GALNT13: variants seen among roughly 807,000 people sequenced by gnomAD.
GALNT13 encodes polypeptide N-acetylgalactosaminyltransferase 13, also known as UDP-GalNAc:polypeptide N-acetylgalactosaminyltransferase 13.
A neutral mutation model predicts 64.2 loss-of-function variants in GALNT13; 28 were observed. The observed-to-expected ratio is 0.44, with a 90% CI of 0.32 to 0.60. GALNT13 has a LOEUF of 0.60. Ranked by LOEUF, GALNT13 falls within the 20% of genes least tolerant of loss-of-function variation. The pLI is 0.05. For synonymous variants in GALNT13, 214 were observed against 224.6 expected (o/e 0.95, Z 0.42); for missense variants, 577 against 669.8 (o/e 0.86, Z 1.53).
At chr2:154,105,212 T>C (rs1423109572) in intron 3 of GALNT13, among the ~76,000 whole-genome samples, 1 of 152,048 alleles carries the variant, frequency 6.6e-6, no homozygotes, top group Non-Finnish European at 1.5e-5. Context: ...CCGTGATTGT[T>C]CACCTATGAT....
chr2:153,259,645 T>C, the GALNT13 span, among the ~76,000 whole-genome samples: 1 of 152,152 alleles, frequency 6.6e-6, no homozygotes, highest in Admixed American at 6.5e-5. Context: ...GCAGTTCCCC[T>C]GCACACGGTC....
the GALNT13 span, among the ~76,000 whole-genome samples, chr2:153,287,007 T>C: frequency 6.6e-6 from 1 of 152,170 alleles, no homozygotes; most frequent in Non-Finnish European, 1.5e-5. Flanking sequence ...TTCAACACTT[T>C]ACAAAGAAAA....
chr2:154,333,423 G>A (rs1011258443), intron 9 of GALNT13, among the ~76,000 whole-genome samples: 3 of 151,964 alleles, frequency 2.0e-5, no homozygotes, highest in African/African-American at 7.2e-5. Flanking sequence ...CTGCGTTAAA[G>A]AACATGTATA....
chr2:154,070,424 A>C (rs1391400284), intron 3 of GALNT13, among the ~76,000 whole-genome samples: 1 of 152,192 alleles, frequency 6.6e-6, no homozygotes, highest in Non-Finnish European at 1.5e-5. Flanking sequence ...TTTTAATCTA[A>C]ATTAGCGTAA....
chr2:153,793,626 G>T, the GALNT13 span, among the ~76,000 whole-genome samples: 1 of 146,658 alleles, frequency 6.8e-6, no homozygotes. Flanking sequence ...CTCTTCTAAA[G>T]TTAGACAACA....
chr2:153,765,022 T>C, the GALNT13 span, among the ~76,000 whole-genome samples: 1 of 152,190 alleles, frequency 6.6e-6, no homozygotes, highest in East Asian at 1.9e-4. Context: ...TGTATGAAAA[T>C]GCCTGGATGT....
At chr2:153,478,051 C>T in the GALNT13 span, 2 of 599,938 alleles carry the variant, frequency 3.3e-6, no homozygotes, top group Non-Finnish European at 5.9e-6. Context: ...TCTCCTCCGA[C>T]TGCCAGGCAT....
chr2:153,866,930 A>G (rs910498002), upstream of GALNT13, among the ~76,000 whole-genome samples: 8 of 152,170 alleles, frequency 5.3e-5, no homozygotes, highest in Non-Finnish European at 2.9e-5. Context: ...TCTTATTTAA[A>G]ATATATCATC....
the GALNT13 span, among the ~76,000 whole-genome samples, chr2:153,308,734 A>G: frequency 6.6e-6 from 1 of 152,228 alleles, no homozygotes; most frequent in Middle Eastern, 3.4e-3. Context: ...GCAGAGGGGA[A>G]CGCCGATGAA....
the GALNT13 span, among the ~76,000 whole-genome samples, chr2:153,302,276 A>G: frequency 6.6e-6 from 1 of 152,064 alleles, no homozygotes; most frequent in Non-Finnish European, 1.5e-5. Flanking sequence ...GTGTGAGCTC[A>G]CTGTGCTTTT....
At chr2:153,805,773 A>C in the GALNT13 span, among the ~76,000 whole-genome samples, 2 of 152,164 alleles carry the variant, frequency 1.3e-5, no homozygotes, top group East Asian at 3.9e-4. Context: ...ATTAGTACTT[A>C]TGAGATTTAC....
the GALNT13 span, among the ~76,000 whole-genome samples, chr2:153,835,882 T>C: frequency 3.3e-5 from 5 of 152,056 alleles, no homozygotes; most frequent in African/African-American, 9.7e-5. Context: ...CATTCTAAGA[T>C]TGAATATCAG....
At chr2:153,939,459 T>TA (rs1479398056) in intron 2 of GALNT13, among the ~76,000 whole-genome samples, 1 of 152,182 alleles carries the variant, frequency 6.6e-6, no homozygotes, top group Non-Finnish European at 1.5e-5. Context: ...AATCATATGA[T>TA]ACCTATTTAC....
intron 9 of GALNT13, among the ~76,000 whole-genome samples, chr2:154,310,336 C>A (rs958930084): frequency 2.0e-5 from 3 of 152,070 alleles, no homozygotes; most frequent in Non-Finnish European, 4.4e-5. Flanking sequence ...TATTTTATAA[C>A]CTACGTCAGA....
At chr2:154,325,714 C>A (rs1488119159) in intron 9 of GALNT13, among the ~76,000 whole-genome samples, 2 of 151,908 alleles carry the variant, frequency 1.3e-5, no homozygotes, top group African/African-American at 4.8e-5. Flanking sequence ...ATTGAGGCAT[C>A]CATCACCTCA....
At chr2:153,912,940 G>T (rs1292527275) in intron 2 of GALNT13, among the ~76,000 whole-genome samples, 2 of 152,218 alleles carry the variant, frequency 1.3e-5, no homozygotes, top group East Asian at 3.9e-4. Flanking sequence ...CTTGTCAGCT[G>T]TGGCAGGGTG....
the GALNT13 span, among the ~76,000 whole-genome samples, chr2:153,640,609 T>A: frequency 2.6e-5 from 4 of 152,024 alleles, no homozygotes; most frequent in African/African-American, 9.7e-5. Context: ...TGAGACCTAA[T>A]TTTTTTCTAC....
intron 2 of GALNT13, among the ~76,000 whole-genome samples, chr2:153,907,772 T>A (rs2105308187): frequency 6.6e-6 from 1 of 152,226 alleles, no homozygotes; most frequent in East Asian, 1.9e-4. Context: ...TTTTCCATAG[T>A]GTATATGTGC....
At chr2:153,658,192 T>A in the GALNT13 span, among the ~76,000 whole-genome samples, 1 of 152,126 alleles carries the variant, frequency 6.6e-6, no homozygotes, top group South Asian at 2.1e-4. Context: ...CATTCTACCT[T>A]CTGGCCAAGT....
Sources: gnomAD v4.1 joint callset for allele counts (sites outside exome capture counted in the v4.1 genomes callset) on GRCh38, gnomAD v4.1.1 for gene constraint, MANE v1.5 for transcripts, NCBI Gene and HGNC (gene_info 2026-07-23, HGNC 2026-07-21) for gene names.